The following ABCA13 variants were observed in gnomAD, a reference collection of about 807,000 sequenced individuals.
ABCA13 encodes ATP-binding cassette sub-family A member 13.
ABCA13 carries 476 observed loss-of-function variants against 478.7 expected under a neutral mutation model. The observed-to-expected ratio is 0.99, with a 90% CI of 0.92 to 1.07. The LOEUF is 1.07. Among genes scored for constraint, ABCA13 ranks in the 50% least tolerant of loss-of-function variants. The pLI is 0.00. For synonymous variants in ABCA13, 2,252 were observed against 2,158.9 expected (o/e 1.04, Z -1.20); for missense variants, 6,060 against 5,910.6 (o/e 1.03, Z -0.83).
intron 54 of ABCA13, among the ~76,000 whole-genome samples, chr7:48,524,834 A>C (rs1028665081): frequency 6.6e-6 from 1 of 151,308 alleles, no homozygotes; most frequent in African/African-American, 2.5e-5. Flanking sequence ...TGCTACTCAG[A>C]AAAGGTAAAG....
chr7:48,401,472 A>C lies in ABCA13; in HGVS notation c.11874-2211A>C, dbSNP rs530240414. Reference sequence around the variant, plus strand: ...GAGCTTCCCATAGCATGTTGATTATACTTCATCTGTAACATTTATCTCATT... The same window carrying C: ...GAGCTTCCCATAGCATGTTGATTATCCTTCATCTGTAACATTTATCTCATT... On this transcript the variant is annotated intron_variant, in intron 38 of 61. Transcript: ENST00000435803. 9.1e-4 allele frequency among the ~76,000 whole-genome samples: 138 copies of C among 152,294 alleles called. 1 individual carries two copies. The highest frequency in any genetic ancestry group is 3.2e-3 in the African/African-American group (131 of 41,564).
At chr7:48,509,444 G>C (rs769915933) in intron 50 of ABCA13, among the ~76,000 whole-genome samples, 17 of 152,128 alleles carry the variant, frequency 1.1e-4, no homozygotes, top group Non-Finnish European at 2.2e-4. Context: ...CAACACACAG[G>C]GGGCCACGTT....
intron 1 of ABCA13, among the ~76,000 whole-genome samples, chr7:48,189,582 G>A (rs1179996121): frequency 6.6e-6 from 1 of 152,164 alleles, no homozygotes; most frequent in African/African-American, 2.4e-5. Context: ...ACTTCTCAAC[G>A]ATAAGATTCA....
chr7:48,281,359 G>T lies in ABCA13; in HGVS notation c.8743G>T (p.Glu2915Ter). The T allele has an allele frequency of 6.2e-7, 1 of 1,605,926 alleles. No individual in the cohort carries two copies. The highest frequency in any genetic ancestry group is 1.7e-5 in the Admixed American group (1 of 58,874). ...TTTGCTAAGTGTTGTTGAGATTTGTGAAGTTTTCCAGCAGACTGTGAAGCC... is the reference window on the plus strand; with the variant it reads ...TTTGCTAAGTGTTGTTGAGATTTGTTAAGTTTTCCAGCAGACTGTGAAGCC... ...LTDQSVVEIC[E>*]VFQQTVKPSE... The change falls in exon 19 of 62, where the codon GAA becomes TAA. Residue 2915 changes from glutamate to a stop codon, truncating the protein, a stop_gained. Transcript: ENST00000435803. LOFTEE classifies it high-confidence loss of function.
chr7:48,379,717 G>A (rs978063585), intron 35 of ABCA13, among the ~76,000 whole-genome samples: 17 of 152,140 alleles, frequency 1.1e-4, no homozygotes, highest in African/African-American at 3.9e-4. Context: ...AGACTTATTG[G>A]TATGTGATTA....
chr7:48,417,826 A>T (rs1257128988), intron 41 of ABCA13, among the ~76,000 whole-genome samples: 1 of 152,166 alleles, frequency 6.6e-6, no homozygotes, highest in African/African-American at 2.4e-5. Flanking sequence ...TGCTCTGCCT[A>T]GCCATTCCTC....
At position 48,488,241 on chromosome 7, in the gene ABCA13, T is replaced by G. The variant is rs559173569; in HGVS notation, c.13183-995T>G. 9.9e-5 allele frequency among the ~76,000 whole-genome samples: 15 copies of G among 152,176 alleles called. No homozygotes were observed. The East Asian group carries it at 1.9e-3, about 20-fold the overall frequency. On this transcript the variant is annotated intron_variant, in intron 47 of 61. Transcript: ENST00000435803. The stretch of plus-strand genomic sequence containing the variant: ...GTCTTGTGTAGTAGGGTTTTGTTTT[T>G]TTTTTTTCTCTTTTTGGTTTTTTAA...
At chr7:48,621,973 G>A (rs763039556) in intron 59 of ABCA13, among the ~76,000 whole-genome samples, 1 of 152,164 alleles carries the variant, frequency 6.6e-6, no homozygotes, top group Non-Finnish European at 1.5e-5. Flanking sequence ...AGGACAGACA[G>A]CATCTAGAGT....
chr7:48,353,165 C>G (rs942488499), intron 31 of ABCA13, among the ~76,000 whole-genome samples: 1 of 151,714 alleles, frequency 6.6e-6, no homozygotes, highest in African/African-American at 2.4e-5. Flanking sequence ...GCTTGGACAC[C>G]TTGGCAGGTT....
At chr7:48,569,735 G>C (rs536683781) in intron 55 of ABCA13, among the ~76,000 whole-genome samples, 2 of 152,128 alleles carry the variant, frequency 1.3e-5, no homozygotes, top group Non-Finnish European at 2.9e-5. Flanking sequence ...ATATCGGGCA[G>C]GCTGGTCTTG....
At chr7:48,476,529 T>C (rs538750799) in intron 45 of ABCA13, among the ~76,000 whole-genome samples, 9 of 151,684 alleles carry the variant, frequency 5.9e-5, no homozygotes, top group Non-Finnish European at 1.2e-4. Context: ...AGGTTGGGGG[T>C]TGGGGAGCGG....
Position 48,403,700 on chromosome 7 carries a change from A to G in ABCA13, c.11891A>G (p.Asp3964Gly). The G allele has an allele frequency of 1.2e-6, 2 of 1,613,956 alleles. No individual in the cohort carries two copies. The highest frequency in any genetic ancestry group is 8.5e-7 in the Non-Finnish European group (1 of 1,179,866). ...QQVNQTLQDV[D>G]LTQHQHKQTR... ...AATTTCAGAACTCTTCAGGATGTGGACTTAACTCAGCATCAGCACAAACAG... is the reference window on the plus strand; with the variant it reads ...AATTTCAGAACTCTTCAGGATGTGGGCTTAACTCAGCATCAGCACAAACAG... Residue 3964 changes from aspartate to glycine, a missense_variant, in exon 39 of 62, where the codon GAC becomes GGC. Asp to Gly is a moderately conservative substitution (Grantham distance 94). Transcript: ENST00000435803.
intron 42 of ABCA13, among the ~76,000 whole-genome samples, chr7:48,454,654 C>G (rs1323527857): frequency 2.0e-5 from 3 of 152,088 alleles, no homozygotes; most frequent in Non-Finnish European, 4.4e-5. Context: ...TGAATGAATC[C>G]CGACCCACAC....
intron 35 of ABCA13, among the ~76,000 whole-genome samples, chr7:48,386,616 A>G (rs778292247): frequency 1.2e-4 from 18 of 152,258 alleles, no homozygotes; most frequent in South Asian, 2.1e-4. Flanking sequence ...CAACAAACCT[A>G]AAAAACAAGC....
At chr7:48,453,231 T>C (rs1585387749) in intron 42 of ABCA13, among the ~76,000 whole-genome samples, 2 of 135,324 alleles carry the variant, frequency 1.5e-5, no homozygotes, top group South Asian at 5.2e-4. Flanking sequence ...CTCTGGAGAT[T>C]GGGATTTTTT....
chr7:48,441,930 G>C (rs1823656989), intron 42 of ABCA13, among the ~76,000 whole-genome samples: 1 of 152,190 alleles, frequency 6.6e-6, no homozygotes, highest in African/African-American at 2.4e-5. Context: ...AATTAGCATG[G>C]TGAAACCTAC....
intron 19 of ABCA13, among the ~76,000 whole-genome samples, chr7:48,284,919 G>T (rs142832278): frequency 1.2e-3 from 187 of 152,236 alleles, no homozygotes; most frequent in Middle Eastern, 6.8e-3. Context: ...AAGGGAACAA[G>T]AATAAGATCT....
At chr7:48,354,681 G>C (rs1386696979) in intron 31 of ABCA13, among the ~76,000 whole-genome samples, 1 of 151,992 alleles carries the variant, frequency 6.6e-6, no homozygotes, top group Non-Finnish European at 1.5e-5. Context: ...TTATTTCTTT[G>C]AGAAAGATGA....
At chr7:48,324,734 G>A (rs1804051643) in intron 27 of ABCA13, among the ~76,000 whole-genome samples, 1 of 152,158 alleles carries the variant, frequency 6.6e-6, no homozygotes, top group Admixed American at 6.5e-5. Context: ...CCTGTCCTCG[G>A]GACCTATATG....
Sources: gnomAD v4.1 joint callset for allele counts (sites outside exome capture counted in the v4.1 genomes callset) on GRCh38, gnomAD v4.1.1 for gene constraint, MANE v1.5 for transcripts, NCBI Gene and HGNC (gene_info 2026-07-23, HGNC 2026-07-21) for gene names.